The following ARHGAP10 variants were observed in gnomAD, a reference collection of about 807,000 sequenced individuals.
ARHGAP10 encodes the protein rho GTPase-activating protein 10.
A neutral mutation model predicts 108.6 loss-of-function variants in ARHGAP10; 87 were observed. The observed-to-expected ratio is 0.80, with a 90% CI of 0.67 to 0.96. The LOEUF (loss-of-function observed/expected upper bound fraction) is 0.96. ARHGAP10 is among the 40% of genes least tolerant of loss of function. The probability of loss-of-function intolerance (pLI) is 0.00; values close to 1 mark genes in which losing one functional copy is unlikely to be tolerated. For synonymous variants in ARHGAP10, 347 were observed against 341.1 expected, an observed-to-expected ratio of 1.02 and a Z score of -0.19; for missense variants, 939 against 954.5, an observed-to-expected ratio of 0.98 and a Z score of 0.21.
At chr4:148,016,850 C>G (rs1333833303) in intron 18 of ARHGAP10, among the ~76,000 whole-genome samples, 2 of 152,072 alleles carry the variant, frequency 1.3e-5, no homozygotes, top group Non-Finnish European at 2.9e-5. Flanking sequence ...GCTGGAGTGG[C>G]TCACAGAGCT....
chr4:147,799,917 G>A (rs1354583565), intron 1 of ARHGAP10, among the ~76,000 whole-genome samples: 1 of 151,930 alleles, frequency 6.6e-6, no homozygotes, highest in African/African-American at 2.4e-5. Flanking sequence ...TTTTTGGGGG[G>A]GTGCGGGCAG....
At chr4:147,865,962 T>C (rs1197354923) in intron 6 of ARHGAP10, 1 of 152,234 alleles carries the variant, frequency 6.6e-6, no homozygotes, top group African/African-American at 2.4e-5. Context: ...AATGAGGAGA[T>C]AAGGAAATAG....
At chr4:147,906,031 T>C (rs1048700073) in intron 10 of ARHGAP10, among the ~76,000 whole-genome samples, 18 of 152,316 alleles carry the variant, frequency 1.2e-4, no homozygotes, top group Middle Eastern at 3.4e-3. Flanking sequence ...TTGGCTCTCT[T>C]TGTCTATTAT....
At chr4:147,784,928 A>T (rs1250945130) in intron 1 of ARHGAP10, among the ~76,000 whole-genome samples, 2 of 124,680 alleles carry the variant, frequency 1.6e-5, no homozygotes, top group African/African-American at 6.0e-5. Context: ...TATAAAATAT[A>T]TGTTATAAAA....
At chr4:147,765,323 G>GGTGT (rs34349553) in intron 1 of ARHGAP10, among the ~76,000 whole-genome samples, 2,850 of 84,816 alleles carry the variant, frequency 0.034, 189 homozygotes, top group Non-Finnish European at 0.038. Flanking sequence ...TGTGTGCTGT[G>GGTGT]GTGTGTGTGT....
intron 18 of ARHGAP10, among the ~76,000 whole-genome samples, chr4:148,018,443 CA>C (rs1032247033): frequency 2.0e-5 from 3 of 151,958 alleles, no homozygotes; most frequent in African/African-American, 7.3e-5. Flanking sequence ...ATTTGATAGC[CA>C]AAATCACAGG....
chr4:148,062,684 A>C (rs558983639), intron 20 of ARHGAP10, among the ~76,000 whole-genome samples: 1 of 152,248 alleles, frequency 6.6e-6, no homozygotes, highest in African/African-American at 2.4e-5. Flanking sequence ...GCCTGAATCC[A>C]GTGGCATTTT....
At chr4:148,041,050 C>T (rs773724155) in intron 19 of ARHGAP10, among the ~76,000 whole-genome samples, 10 of 152,178 alleles carry the variant, frequency 6.6e-5, no homozygotes, top group Admixed American at 2.0e-4. Context: ...TAGGTTTCAG[C>T]GTCCCCCAGC....
chr4:148,060,993 G>C (rs529857616), intron 20 of ARHGAP10, among the ~76,000 whole-genome samples: 3 of 152,094 alleles, frequency 2.0e-5, no homozygotes, highest in Admixed American at 6.5e-5. Flanking sequence ...CTTTTCTGTT[G>C]CGTATCTGTC....
chr4:147,918,951 A>G (rs1300094900), intron 13 of ARHGAP10, among the ~76,000 whole-genome samples: 1 of 152,210 alleles, frequency 6.6e-6, no homozygotes, highest in Non-Finnish European at 1.5e-5. Flanking sequence ...TTTTGTAGAA[A>G]ACTAAGAATT....
chr4:147,890,243 G>A (rs1452886833), intron 10 of ARHGAP10, among the ~76,000 whole-genome samples: 1 of 152,184 alleles, frequency 6.6e-6, no homozygotes, highest in Admixed American at 6.5e-5. Flanking sequence ...GAGAACCAAT[G>A]GGAGAATGGC....
chr4:147,995,278 ACATAC>A (rs1257490319), intron 18 of ARHGAP10, among the ~76,000 whole-genome samples: 1 of 152,164 alleles, frequency 6.6e-6, no homozygotes, highest in East Asian at 1.9e-4. Context: ...CTTTCTGAAA[ACATAC>A]CAGTGCGTAT....
chr4:147,743,723 G>A (rs1728790990), intron 1 of ARHGAP10, among the ~76,000 whole-genome samples: 1 of 152,190 alleles, frequency 6.6e-6, no homozygotes, highest in African/African-American at 2.4e-5. Context: ...GTTGCGGTGA[G>A]CCAAGATTGC....
chr4:147,786,447 A>G (rs1025926665), intron 1 of ARHGAP10, among the ~76,000 whole-genome samples: 2 of 152,138 alleles, frequency 1.3e-5, no homozygotes, highest in African/African-American at 4.8e-5. Context: ...AAGTGGCGTG[A>G]GTCTCAAAAT....
intron 18 of ARHGAP10, among the ~76,000 whole-genome samples, chr4:147,994,590 TG>T: frequency 6.6e-6 from 1 of 152,340 alleles, no homozygotes; most frequent in Admixed American, 6.5e-5. Context: ...AAACTCAAAA[TG>T]TAGATCGTAA....
intron 18 of ARHGAP10, among the ~76,000 whole-genome samples, chr4:147,986,771 T>C (rs1195122343): frequency 6.6e-6 from 1 of 152,228 alleles, no homozygotes; most frequent in Non-Finnish European, 1.5e-5. Context: ...TCAACAACTC[T>C]GAAAGGTAGA....
At chr4:147,862,849 A>C (rs866483262) in intron 5 of ARHGAP10, 1 of 152,234 alleles carries the variant, frequency 6.6e-6, no homozygotes, top group Admixed American at 6.5e-5. Flanking sequence ...TTAAATAGTC[A>C]ACAAAATTAC....
rs188054144 is a variant in ARHGAP10, at chr4:147,921,157, G to A, written c.1228+8018G>A. On this transcript the variant is annotated intron_variant, in intron 13 of 22. Transcript: ENST00000336498. The stretch of plus-strand genomic sequence containing the variant: ...TGGGGTAGATAGTGCAGATACAGCC[G>A]AATGATTTTGCTGAAGTTGTACCAG... 2.3e-4 allele frequency among the ~76,000 whole-genome samples: 35 copies of A among 152,330 alleles called. No homozygotes were observed. The East Asian group carries it at 4.8e-3, about 21-fold the overall frequency.
intron 19 of ARHGAP10, among the ~76,000 whole-genome samples, chr4:148,036,416 A>G (rs769916505): frequency 6.6e-6 from 1 of 152,130 alleles, no homozygotes; most frequent in Non-Finnish European, 1.5e-5. Context: ...CGTGGGAAGG[A>G]CCCAGTGGGA....
Sources: gnomAD v4.1 joint callset for allele counts (sites outside exome capture counted in the v4.1 genomes callset) on GRCh38, gnomAD v4.1.1 for gene constraint, MANE v1.5 for transcripts, NCBI Gene and HGNC (gene_info 2026-07-23, HGNC 2026-07-21) for gene names.